Variants in TOX2 observed in about 807,000 individuals in gnomAD.
TOX2 encodes the protein TOX high mobility group box family member 2, also known as granulosa cell HMG box 1.
In TOX2, 15 loss-of-function variants were observed where a neutral mutation model predicts 47.4. The ratio of observed to expected loss-of-function variants is 0.32; its 90% confidence interval spans 0.21 to 0.49. The LOEUF (loss-of-function observed/expected upper bound fraction) is 0.49. Ranked by LOEUF, TOX2 falls within the 20% of genes least tolerant of loss-of-function variation. The pLI is 0.99. For synonymous variants in TOX2, 290 were observed against 296.6 expected, an observed-to-expected ratio of 0.98 and a Z score of 0.23; for missense variants, 622 against 673.1, an observed-to-expected ratio of 0.92 and a Z score of 0.84.
intron 3 of TOX2, among the ~76,000 whole-genome samples, chr20:44,035,989 A>G (rs558317832): frequency 3.9e-5 from 6 of 152,302 alleles, no homozygotes; most frequent in East Asian, 3.9e-4. Context: ...AATTGAGTCA[A>G]CGGGGCTGGG....
intron 2 of TOX2, among the ~76,000 whole-genome samples, chr20:43,977,446 A>G (rs930221003): frequency 2.0e-5 from 3 of 152,166 alleles, no homozygotes; most frequent in African/African-American, 7.2e-5. Context: ...TTTGTTCTTT[A>G]ATGTAACACT....
intron 3 of TOX2, among the ~76,000 whole-genome samples, chr20:44,042,975 G>A (rs1248299944): frequency 2.0e-5 from 3 of 152,192 alleles, no homozygotes; most frequent in African/African-American, 4.8e-5. Flanking sequence ...TTGTGGCTTG[G>A]GTGACAGCAA....
At chr20:44,001,906 A>G (rs1255512734) in intron 2 of TOX2, among the ~76,000 whole-genome samples, 1 of 152,182 alleles carries the variant, frequency 6.6e-6, no homozygotes, top group Non-Finnish European at 1.5e-5. Context: ...CACTGAGGAC[A>G]AGAGAGTTAA....
At chr20:44,057,693 C>T (rs1485944731) in intron 5 of TOX2, among the ~76,000 whole-genome samples, 1 of 151,464 alleles carries the variant, frequency 6.6e-6, no homozygotes, top group African/African-American at 2.5e-5. Context: ...GTGTAATAAA[C>T]AATACCAAAA....
intron 3 of TOX2, among the ~76,000 whole-genome samples, chr20:44,034,228 G>C (rs1197161610): frequency 6.6e-6 from 1 of 151,948 alleles, no homozygotes; most frequent in Admixed American, 6.5e-5. Flanking sequence ...CAGACTTCAA[G>C]AGTCAGTTCA....
chr20:43,962,083 TC>T (rs1355543616), intron 1 of TOX2, among the ~76,000 whole-genome samples: 1 of 152,120 alleles, frequency 6.6e-6, no homozygotes, highest in East Asian at 1.9e-4. Context: ...AGATTTACAA[TC>T]GGGGATGGGA....
intron 3 of TOX2, among the ~76,000 whole-genome samples, chr20:44,043,252 C>G (rs1267889870): frequency 6.6e-6 from 1 of 151,996 alleles, no homozygotes; most frequent in Admixed American, 6.5e-5. Flanking sequence ...TCCAGACTTC[C>G]CAGAACTCAT....
chr20:43,972,175 T>C (rs2069984306), intron 1 of TOX2, among the ~76,000 whole-genome samples: 1 of 152,184 alleles, frequency 6.6e-6, no homozygotes, highest in Non-Finnish European at 1.5e-5. Context: ...GCTTGGTCAA[T>C]TGGGGGCCAC....
chr20:43,969,867 TA>T (rs1336192671), intron 1 of TOX2, among the ~76,000 whole-genome samples: 1 of 152,166 alleles, frequency 6.6e-6, no homozygotes, highest in Non-Finnish European at 1.5e-5. Flanking sequence ...ATTGGTTGAA[TA>T]AAGGAGTGAA....
chr20:44,059,518 A>AC (rs1488717541), intron 5 of TOX2, among the ~76,000 whole-genome samples: 4 of 151,624 alleles, frequency 2.6e-5, no homozygotes, highest in Non-Finnish European at 5.9e-5. Context: ...TTCAAAGAAC[A>AC]CCTGGGAAAT....
intron 1 of TOX2, among the ~76,000 whole-genome samples, chr20:43,920,966 CA>C (rs1217264356): frequency 2.0e-5 from 3 of 152,190 alleles, no homozygotes; most frequent in African/African-American, 7.2e-5. Context: ...CATAGATGCT[CA>C]GCAAATATTT....
chr20:43,924,039 A>C (rs1005644455), intron 1 of TOX2, among the ~76,000 whole-genome samples: 1 of 152,212 alleles, frequency 6.6e-6, no homozygotes, highest in Admixed American at 6.5e-5. Context: ...AACAGCAGGC[A>C]GTTCCCTTGG....
intron 3 of TOX2, among the ~76,000 whole-genome samples, chr20:44,047,288 C>G (rs190065475): frequency 8.8e-4 from 134 of 152,224 alleles, no homozygotes; most frequent in Admixed American, 2.2e-3. Context: ...CCAAAAATGT[C>G]TTCAGAGAAA....
At chr20:44,057,362 T>G (rs1486992884) in intron 5 of TOX2, among the ~76,000 whole-genome samples, 1 of 152,218 alleles carries the variant, frequency 6.6e-6, no homozygotes, top group Non-Finnish European at 1.5e-5. Context: ...ACCTCTCATG[T>G]TTCACTATTA....
At position 44,051,473 on chromosome 20, in the gene TOX2, G is replaced by A. The variant is rs936544761; in HGVS notation, c.579G>A (p.Pro193=). The change falls in exon 4 of 9, where the codon CCG becomes CCA. Residue 193 remains proline (P), a synonymous_variant. Coordinates refer to ENST00000341197, the MANE Select transcript of TOX2 (RefSeq NM_001098797.2). ...GCATCGCCCACAGCTCCCCATCACC[G>A]CCGGGGAGCAAGTCAGCGACCCCCT... The part of the protein sequence containing the change: ...RSSIAHSSPS[P]PGSKSATPSP... The A allele has an allele frequency of 9.3e-6, 15 of 1,613,308 alleles. No homozygotes were observed. The Middle Eastern group carries it at 5.0e-4, about 53-fold the overall frequency.
chr20:44,011,779 A>T (rs1240582505), intron 3 of TOX2, among the ~76,000 whole-genome samples: 1 of 152,250 alleles, frequency 6.6e-6, no homozygotes, highest in Non-Finnish European at 1.5e-5. Flanking sequence ...CAGCCATCTC[A>T]TAAATGCCAA....
intron 2 of TOX2, among the ~76,000 whole-genome samples, chr20:43,975,244 G>T (rs1217884860): frequency 6.6e-6 from 1 of 152,006 alleles, no homozygotes; most frequent in Admixed American, 6.6e-5. Flanking sequence ...CTCTGTGTCT[G>T]CTCTAGGCCT....
chr20:44,045,100 G>C (rs983148396), intron 3 of TOX2, among the ~76,000 whole-genome samples: 5 of 152,180 alleles, frequency 3.3e-5, no homozygotes. Flanking sequence ...GGTTTCCAGG[G>C]CTGGGGGAAG....
At chr20:43,959,215 A>C (rs1442779826) in intron 1 of TOX2, among the ~76,000 whole-genome samples, 1 of 152,140 alleles carries the variant, frequency 6.6e-6, no homozygotes, top group Non-Finnish European at 1.5e-5. Context: ...TGAGGACGAG[A>C]GGGGTAAGAT....
Sources: allele counts gnomAD v4.1 joint callset (sites outside exome capture counted in the v4.1 genomes callset), GRCh38; gene constraint gnomAD v4.1.1; transcripts MANE v1.5; gene names NCBI Gene and HGNC (gene_info 2026-07-23, HGNC 2026-07-21).